Variants in SPIN2A observed in about 807,000 individuals in gnomAD.
SPIN2A encodes the protein spindlin family member 2A, also known as spindlin-2A.
Under a neutral mutation model 9.2 loss-of-function variants are expected in SPIN2A, and 4 were observed. The observed-to-expected ratio is 0.44, with a 90% CI of 0.21 to 1.00. The LOEUF (loss-of-function observed/expected upper bound fraction) is 1.00. Ranked by LOEUF, SPIN2A falls within the 50% of genes least tolerant of loss-of-function variation. The pLI, the probability that SPIN2A is intolerant of heterozygous loss-of-function variation, is 0.26. For missense variants in SPIN2A, 77 were observed against 172.8 expected, an observed-to-expected ratio of 0.45 and a Z score of 3.11; for synonymous variants, 25 against 61.2, an observed-to-expected ratio of 0.41 and a Z score of 2.76.
upstream of SPIN2A, among the ~76,000 whole-genome samples, chrX:57,141,235 C>T (rs941173562): frequency 1.8e-5 from 2 of 111,742 alleles, no homozygotes; most frequent in African/African-American, 6.5e-5. Context: ...TGATATATCA[C>T]GTTTATTGAT....
chrX:57,140,304 C>A (rs1927962817), upstream of SPIN2A, among the ~76,000 whole-genome samples: 1 of 108,431 alleles, frequency 9.2e-6, no homozygotes, highest in Non-Finnish European at 1.9e-5. Flanking sequence ...CTTCTTCCTT[C>A]CCAATTTGGG....
upstream of SPIN2A, among the ~76,000 whole-genome samples, chrX:57,139,744 A>G (rs911415141): frequency 2.6e-4 from 29 of 111,619 alleles, no homozygotes; most frequent in Admixed American, 2.5e-3. Context: ...GTGAGCCACC[A>G]CGCCTGTCCC....
the SPIN2A span, among the ~76,000 whole-genome samples, chrX:57,146,172 A>G: frequency 9.1e-6 from 1 of 110,352 alleles, no homozygotes; most frequent in African/African-American, 3.3e-5. Flanking sequence ...GGTCTTTTTC[A>G]CAATATTGAT....
chrX:57,135,612 G>C (rs1345414761), downstream of SPIN2A: 3 of 867,763 alleles, frequency 3.5e-6, no homozygotes, highest in African/African-American at 6.2e-5. Flanking sequence ...AAACACACCC[G>C]AACTTTTCAA....
chrX:57,137,871 A>G (rs1480027195), upstream of SPIN2A, among the ~76,000 whole-genome samples: 2 of 110,755 alleles, frequency 1.8e-5, no homozygotes, highest in African/African-American at 6.5e-5. Context: ...GTATGTATGT[A>G]TATATATATA....
At chrX:57,141,386 G>A (rs1036754524), upstream of SPIN2A, among the ~76,000 whole-genome samples, 7 of 111,872 alleles carry the variant, frequency 6.3e-5, no homozygotes, top group South Asian at 7.5e-4. Context: ...TAATATTGGC[G>A]TATAATGTTC....
chrX:57,137,095 C>T (rs1337806970), intron 1 of SPIN2A, 165 bp downstream of exon 1: 94 of 778,877 alleles, frequency 1.2e-4, no homozygotes, highest in African/African-American at 3.4e-4. Context: ...TCCCTGTCGT[C>T]CACCGCACTC....
chrX:57,144,271 A>C, the SPIN2A span, among the ~76,000 whole-genome samples: 1 of 110,978 alleles, frequency 9.0e-6, no homozygotes, highest in African/African-American at 3.3e-5. Flanking sequence ...GAGCTTGATT[A>C]TTATATGCCT....
At chrX:57,143,511 C>G in the SPIN2A span, among the ~76,000 whole-genome samples, 2 of 110,709 alleles carry the variant, frequency 1.8e-5, no homozygotes, top group Admixed American at 1.9e-4. Context: ...GGATCTCACT[C>G]TATCACCCAA....
upstream of SPIN2A, among the ~76,000 whole-genome samples, chrX:57,137,869 G>GTA (rs748711518): frequency 8.2e-4 from 90 of 109,423 alleles, no homozygotes; most frequent in East Asian, 1.4e-3. Flanking sequence ...GTGTATGTAT[G>GTA]TATATATATA....
the SPIN2A span, among the ~76,000 whole-genome samples, chrX:57,144,923 TACACACACAC>T: frequency 9.5e-6 from 1 of 105,417 alleles, no homozygotes; most frequent in Non-Finnish European, 2.0e-5. Context: ...TGTGTGTGCA[TACACACACAC>T]ACACACACAC....
At position 57,137,388 on chromosome X, in the gene SPIN2A, A is replaced by T. The variant is rs1927854860; in HGVS notation, c.-134T>A. 1 of 746,908 alleles carries T rather than the reference A, an allele frequency of 1.3e-6. No individual in the cohort carries two copies. Among genetic ancestry groups the T allele is most frequent in the Non-Finnish European group, 1.6e-6 (1 of 633,152 alleles). 61.6% of individuals were successfully genotyped at this position (746,908 alleles called of 1,213,427 possible). A position where few individuals can be genotyped will look rare whatever the true frequency, so the allele number is the denominator to read the frequency against. On this transcript the variant is annotated 5_prime_UTR_variant, in exon 1 of 2. Coordinates refer to ENST00000374906, the MANE Select transcript of SPIN2A (RefSeq NM_019003.5). ...AGCGTGTGTAGGAGCGCGGCGAGAC[A>T]GGCAAAGAGCACTGCAGCGGTGTCC...
At chrX:57,146,257 A>G in the SPIN2A span, among the ~76,000 whole-genome samples, 6 of 110,497 alleles carry the variant, frequency 5.4e-5, no homozygotes, top group East Asian at 1.7e-3. Flanking sequence ...AGTGTTTTGT[A>G]GTTTTCCTTG....
the SPIN2A span, among the ~76,000 whole-genome samples, chrX:57,143,394 T>C: frequency 9.0e-6 from 1 of 111,085 alleles, no homozygotes. Context: ...GAAAAAATGC[T>C]ACACTTTAAC....
At chrX:57,146,284 T>A in the SPIN2A span, among the ~76,000 whole-genome samples, 8 of 111,108 alleles carry the variant, frequency 7.2e-5, no homozygotes, top group African/African-American at 2.0e-4. Flanking sequence ...TCTTTCACCC[T>A]CTGAGTTATG....
chrX:57,135,750 A>G lies in SPIN2A; in HGVS notation c.*71T>C. ...TTCCATAAGCTTTCAGTACACTGAA[A>G]GGCAACATTTTTTGCATGTCTACAA... On this transcript the variant is annotated 3_prime_UTR_variant, in exon 2 of 2. Transcript: ENST00000374906. 2.6e-6 allele frequency: 3 copies of G among 1,167,526 alleles called. No individual in the cohort carries two copies. The South Asian group carries it at 6.1e-5, about 24-fold the overall frequency.
upstream of SPIN2A, among the ~76,000 whole-genome samples, chrX:57,138,487 A>T (rs1258970212): frequency 9.0e-6 from 1 of 110,739 alleles, no homozygotes. Context: ...TTGATTCCAT[A>T]TCTTGTCTAT....
the SPIN2A span, among the ~76,000 whole-genome samples, chrX:57,144,569 A>G: frequency 9.2e-6 from 1 of 109,158 alleles, no homozygotes; most frequent in African/African-American, 3.3e-5. Flanking sequence ...GTATTTGGTT[A>G]CATGAGTAAG....
chrX:57,146,331 G>C, the SPIN2A span, among the ~76,000 whole-genome samples: 16 of 111,491 alleles, frequency 1.4e-4, no homozygotes, highest in East Asian at 2.0e-3. Flanking sequence ...TGTGGCAATT[G>C]TGAAAGGGAT....
Sources: gnomAD v4.1 joint callset for allele counts (sites outside exome capture counted in the v4.1 genomes callset) on GRCh38, gnomAD v4.1.1 for gene constraint, MANE v1.5 for transcripts, NCBI Gene and HGNC (gene_info 2026-07-23, HGNC 2026-07-21) for gene names.